MRTFA: variants seen among roughly 807,000 people sequenced by gnomAD.
MRTFA encodes myocardin-related transcription factor A.
Under a neutral mutation model 83.5 loss-of-function variants are expected in MRTFA, and 20 were observed. The observed-to-expected ratio is 0.24, with a 90% CI of 0.17 to 0.35. The LOEUF is 0.35. Among genes scored for constraint, MRTFA ranks in the 10% least tolerant of loss-of-function variants. The pLI, the probability that MRTFA is intolerant of heterozygous loss-of-function variation, is 1.00. For missense variants in MRTFA, 1,200 were observed against 1,224.7 expected, an observed-to-expected ratio of 0.98 and a Z score of 0.30; for synonymous variants, 659 against 541.2, an observed-to-expected ratio of 1.22 and a Z score of -3.02.
At chr22:40,499,380 A>C (rs951420729) in intron 3 of MRTFA, among the ~76,000 whole-genome samples, 1 of 152,202 alleles carries the variant, frequency 6.6e-6, no homozygotes, top group Non-Finnish European at 1.5e-5. Flanking sequence ...GTCTGAACAC[A>C]AAACTGAGGA....
Position 40,513,090 on chromosome 22 carries a change from A to G in MRTFA, c.241+39016T>C, listed in dbSNP as rs144616791. On this transcript the variant is annotated intron_variant, in intron 3 of 14. Transcript: ENST00000355630. ...CTGTTTGTGGCACTTTCATCCCACTACCACCACACCAAGTTTAAAGCCATC... is the reference window on the plus strand; with the variant it reads ...CTGTTTGTGGCACTTTCATCCCACTGCCACCACACCAAGTTTAAAGCCATC... Among the ~76,000 whole-genome samples the G allele has an allele frequency of 2.6e-5, 4 of 152,320 alleles. No homozygotes were observed. In the East Asian group the frequency reaches 7.7e-4, roughly 29 times the overall value.
chr22:40,418,607 G>A lies in MRTFA; in HGVS notation c.2131C>T (p.Pro711Ser), dbSNP rs1475748526. 2.0e-6 allele frequency: 3 copies of A among 1,537,812 alleles called. No homozygotes were observed. Among genetic ancestry groups the A allele is most frequent in the Non-Finnish European group, 1.7e-6 (2 of 1,148,242 alleles). The change falls in exon 12 of 15, where the codon CCT (proline) becomes TCT (serine). Residue 711 changes from proline to serine, a missense_variant. Around this residue, in one of 2 missense-constraint regions of MRTFA, gnomAD observed 1,107 missense variants for 1,041.8 expected, o/e 1.06. Coordinates refer to ENST00000355630, the MANE Select transcript of MRTFA (RefSeq NM_020831.6). Reference sequence around the variant, plus strand: ...GGGGGCCCCGGGGCCACAGCACAAGGGTCTATGTGGTTGGTGGCTGGGGCC... The same window carrying A: ...GGGGGCCCCGGGGCCACAGCACAAGAGTCTATGTGGTTGGTGGCTGGGGCC...
intron 3 of MRTFA, among the ~76,000 whole-genome samples, chr22:40,487,923 C>CCT (rs1481769120): frequency 6.6e-6 from 1 of 152,132 alleles, no homozygotes; most frequent in Non-Finnish European, 1.5e-5. Context: ...ATATGAACCA[C>CCT]CTACCATGTA....
At chr22:40,576,726 C>G (rs2055872920) in intron 2 of MRTFA, among the ~76,000 whole-genome samples, 1 of 152,112 alleles carries the variant, frequency 6.6e-6, no homozygotes, top group South Asian at 2.1e-4. Context: ...TACAAAACAG[C>G]TAGTAGGAAA....
chr22:40,583,725 G>A (rs1173302480), intron 2 of MRTFA, among the ~76,000 whole-genome samples: 3 of 152,150 alleles, frequency 2.0e-5, no homozygotes, highest in African/African-American at 7.2e-5. Context: ...AGGGATCTAG[G>A]TTGCACCTTT....
intron 3 of MRTFA, among the ~76,000 whole-genome samples, chr22:40,504,720 A>G (rs2054553240): frequency 6.6e-6 from 1 of 152,234 alleles, no homozygotes; most frequent in Non-Finnish European, 1.5e-5. Flanking sequence ...CAGAATCCTC[A>G]ACTTAGAATG....
chr22:40,451,184 T>C (rs781708604), intron 4 of MRTFA, among the ~76,000 whole-genome samples: 5 of 152,212 alleles, frequency 3.3e-5, no homozygotes, highest in African/African-American at 1.2e-4. Context: ...TTCCATTTTT[T>C]GTCTTTCTGT....
chr22:40,538,460 A>C (rs1383653278), intron 3 of MRTFA, among the ~76,000 whole-genome samples: 1 of 150,676 alleles, frequency 6.6e-6, no homozygotes, highest in Non-Finnish European at 1.5e-5. Flanking sequence ...TGCCTAGGAA[A>C]ACCAGAGACC....
intron 3 of MRTFA, among the ~76,000 whole-genome samples, chr22:40,509,410 T>C (rs2054631296): frequency 6.6e-6 from 1 of 152,264 alleles, no homozygotes; most frequent in African/African-American, 2.4e-5. Flanking sequence ...ATCCCTGTTA[T>C]GACCTACTCT....
chr22:40,418,697 A>G lies in MRTFA; in HGVS notation c.2041T>C (p.Phe681Leu), dbSNP rs753110493. ...TGCTGGCTCAGCTGGCAGCTGGAGAAGCTGTTCTCCTGCTTCACGGGGGTG... is the reference window on the plus strand; with the variant it reads ...TGCTGGCTCAGCTGGCAGCTGGAGAGGCTGTTCTCCTGCTTCACGGGGGTG... Residue 681 changes from phenylalanine to leucine, a missense_variant, in exon 12 of 15, where the codon TTC becomes CTC. Transcript: ENST00000355630. 68 of 1,213,296 alleles carry G rather than the reference A, an allele frequency of 5.6e-5. 1 individual carries two copies. In the Middle Eastern group the frequency reaches 1.1e-3, roughly 19 times the overall value. The allele number at this position is 1,213,296 out of a possible 1,614,324, so 75.2% of individuals were successfully genotyped here. A position where few individuals can be genotyped will look rare whatever the true frequency, so the allele number is the denominator to read the frequency against.
At chr22:40,433,493 A>T (rs1404065187) in intron 5 of MRTFA, 1 of 152,826 alleles carries the variant, frequency 6.5e-6, no homozygotes, top group Non-Finnish European at 1.5e-5. Context: ...AAGGAAAACA[A>T]AGCAATCAGT....
chr22:40,620,015 T>G (rs1035776984), intron 1 of MRTFA, among the ~76,000 whole-genome samples: 2 of 151,540 alleles, frequency 1.3e-5, no homozygotes, highest in Non-Finnish European at 2.9e-5. Flanking sequence ...TGGAGTGCAG[T>G]GGCGTGATCT....
At chr22:40,622,018 G>A (rs1188867666) in intron 1 of MRTFA, among the ~76,000 whole-genome samples, 2 of 152,144 alleles carry the variant, frequency 1.3e-5, no homozygotes, top group Admixed American at 6.6e-5. Flanking sequence ...AGACTTTTGG[G>A]GATGTTGGAA....
chr22:40,423,224 C>A (rs984766575), intron 9 of MRTFA, among the ~76,000 whole-genome samples: 1 of 152,250 alleles, frequency 6.6e-6, no homozygotes, highest in Non-Finnish European at 1.5e-5. Flanking sequence ...TCTTGTAGCA[C>A]AGGGCTCTAT....
At chr22:40,615,040 C>T (rs908129908) in intron 1 of MRTFA, among the ~76,000 whole-genome samples, 1 of 151,462 alleles carries the variant, frequency 6.6e-6, no homozygotes, top group Admixed American at 6.6e-5. Flanking sequence ...GCTCCTTACA[C>T]GTGCTAGAAA....
At chr22:40,469,360 G>A (rs1602294416) in intron 3 of MRTFA, among the ~76,000 whole-genome samples, 1 of 152,120 alleles carries the variant, frequency 6.6e-6, no homozygotes, top group East Asian at 1.9e-4. Flanking sequence ...GTTTAAAAGA[G>A]CATGGGATCT....
chr22:40,518,588 T>C (rs551694059), intron 3 of MRTFA, among the ~76,000 whole-genome samples: 1 of 151,658 alleles, frequency 6.6e-6, no homozygotes, highest in African/African-American at 2.4e-5. Context: ...AGTCAGAAGA[T>C]CGAGATCATC....
At chr22:40,591,608 TG>T (rs780670183) in intron 2 of MRTFA, among the ~76,000 whole-genome samples, 52 of 152,042 alleles carry the variant, frequency 3.4e-4, no homozygotes, top group African/African-American at 1.9e-4. Context: ...AATACTGGAG[TG>T]GGGTAATGGT....
intron 3 of MRTFA, among the ~76,000 whole-genome samples, chr22:40,536,328 C>T (rs904279380): frequency 4.0e-5 from 6 of 151,422 alleles, no homozygotes; most frequent in South Asian, 2.1e-4. Flanking sequence ...GGGCCGAAGC[C>T]GCCGCCGCCC....
Sources: allele counts gnomAD v4.1 joint callset (sites outside exome capture counted in the v4.1 genomes callset), GRCh38; gene constraint gnomAD v4.1.1; regional missense constraint gnomAD v4.1.1; transcripts MANE v1.5; gene names NCBI Gene and HGNC (gene_info 2026-07-23, HGNC 2026-07-21).